Variants in SGCZ observed in about 807,000 individuals in gnomAD.
The protein encoded by SGCZ is sarcoglycan zeta.
SGCZ carries 40 observed loss-of-function variants against 41.3 expected under a neutral mutation model. That is an observed-to-expected ratio of 0.97 (90% CI 0.75 to 1.26). The LOEUF (loss-of-function observed/expected upper bound fraction) is 1.26, where lower values mean the gene tolerates loss of function less well. SGCZ is among the 50% of genes most tolerant of loss of function. SGCZ has a pLI of 0.00. For synonymous variants in SGCZ, 206 were observed against 137.5 expected, an observed-to-expected ratio of 1.50 and a Z score of -3.49; for missense variants, 552 against 369.8, an observed-to-expected ratio of 1.49 and a Z score of -4.04.
At chr8:14,824,587 T>C (rs1802228209) in intron 1 of SGCZ, among the ~76,000 whole-genome samples, 1 of 152,006 alleles carries the variant, frequency 6.6e-6, no homozygotes. Flanking sequence ...TTTAAAGCCT[T>C]CATTATTTAT....
At chr8:14,645,711 CAT>C (rs1411660090) in intron 1 of SGCZ, among the ~76,000 whole-genome samples, 1 of 143,016 alleles carries the variant, frequency 7.0e-6, no homozygotes, top group Admixed American at 7.2e-5. Context: ...TTTACACATA[CAT>C]ACACACACAC....
At chr8:14,664,796 G>A (rs1353027801) in intron 1 of SGCZ, among the ~76,000 whole-genome samples, 2 of 152,044 alleles carry the variant, frequency 1.3e-5, no homozygotes, top group Non-Finnish European at 2.9e-5. Flanking sequence ...TACAGTGAAT[G>A]GTTTTTCTCT....
intron 2 of SGCZ, among the ~76,000 whole-genome samples, chr8:14,393,433 C>G (rs1005740290): frequency 1.3e-5 from 2 of 152,110 alleles, no homozygotes; most frequent in Non-Finnish European, 2.9e-5. Flanking sequence ...GACAAAATGG[C>G]GCTGATCAAC....
At chr8:14,493,655 C>T (rs1016169630) in intron 2 of SGCZ, among the ~76,000 whole-genome samples, 1 of 151,468 alleles carries the variant, frequency 6.6e-6, no homozygotes, top group Non-Finnish European at 1.5e-5. Context: ...CATGAGTCAC[C>T]GTTCCTGGCC....
chr8:14,774,442 C>A lies in SGCZ; in HGVS notation c.40-219516G>T, dbSNP rs183331431. On this transcript the variant is annotated intron_variant, in intron 1 of 7. Coordinates refer to ENST00000382080, the MANE Select transcript of SGCZ (RefSeq NM_139167.4). ...GTTAGTTCATGCTTCCTTCAGTTAA[C>A]GTTTAGGATTGTTCACACCTGTGTC... Among the ~76,000 whole-genome samples the A allele has an allele frequency of 4.5e-3, 684 of 152,296 alleles. 1 individual carries two copies. Among genetic ancestry groups the A allele is most frequent in the East Asian group, 0.01 (54 of 5,186 alleles).
intron 2 of SGCZ, among the ~76,000 whole-genome samples, chr8:14,335,409 G>A (rs1802474208): frequency 6.6e-6 from 1 of 152,050 alleles, no homozygotes; most frequent in South Asian, 2.1e-4. Context: ...CCTAAAACAT[G>A]AAGTCTTGCA....
chr8:14,302,184 A>G (rs893800523), intron 3 of SGCZ, among the ~76,000 whole-genome samples: 2 of 152,156 alleles, frequency 1.3e-5, no homozygotes, highest in East Asian at 1.9e-4. Flanking sequence ...CTTAACAATC[A>G]AAAATCATTT....
intron 1 of SGCZ, among the ~76,000 whole-genome samples, chr8:14,987,280 C>T (rs898349598): frequency 6.6e-6 from 1 of 151,806 alleles, no homozygotes; most frequent in Non-Finnish European, 1.5e-5. Flanking sequence ...CATCAAAACA[C>T]TAAAAATTTC....
chr8:14,150,876 C>A (rs768049550), intron 5 of SGCZ, among the ~76,000 whole-genome samples: 4 of 152,090 alleles, frequency 2.6e-5, no homozygotes, highest in African/African-American at 9.7e-5. Context: ...CTTGCATCAA[C>A]GTGGATGGAA....
intron 2 of SGCZ, among the ~76,000 whole-genome samples, chr8:14,336,626 G>C (rs1208086439): frequency 2.6e-5 from 4 of 152,014 alleles, no homozygotes; most frequent in Non-Finnish European, 5.9e-5. Flanking sequence ...TTTAATCATA[G>C]CCATTCTGGC....
intron 2 of SGCZ, among the ~76,000 whole-genome samples, chr8:14,515,803 T>C (rs1372355798): frequency 6.6e-6 from 1 of 152,130 alleles, no homozygotes; most frequent in Non-Finnish European, 1.5e-5. Context: ...TTTGCCTACA[T>C]CATTTATTGC....
intron 2 of SGCZ, among the ~76,000 whole-genome samples, chr8:14,487,240 TG>T (rs771823872): frequency 2.4e-4 from 36 of 152,316 alleles, no homozygotes; most frequent in Admixed American, 3.9e-4. Flanking sequence ...CTAATGTAAT[TG>T]TAAACGCTTT....
intron 1 of SGCZ, among the ~76,000 whole-genome samples, chr8:15,066,098 G>A (rs1430691746): frequency 1.3e-5 from 2 of 151,648 alleles, no homozygotes; most frequent in Non-Finnish European, 2.9e-5. Context: ...CATGAGGTCA[G>A]GAGATCGAGA....
rs193104182 is a variant in SGCZ at position 14,516,540 on chromosome 8, G to A, written c.234+38192C>T. ...ACTGTTTTTTTCTAGGTCTATCTAC[G>A]TTTTCTACATGACCTGTTTCTTTTC... On this transcript the variant is annotated intron_variant, in intron 2 of 7. Transcript: ENST00000382080. Among the ~76,000 whole-genome samples the A allele has an allele frequency of 8.1e-3, 1,234 of 152,074 alleles. 16 individuals carry two copies. The highest frequency in any genetic ancestry group is 0.02 in the Middle Eastern group (6 of 294).
intron 1 of SGCZ, among the ~76,000 whole-genome samples, chr8:14,767,741 C>G (rs1422520659): frequency 6.6e-6 from 1 of 152,170 alleles, no homozygotes; most frequent in South Asian, 2.1e-4. Flanking sequence ...GACTTACTAC[C>G]ATAGGCTATT....
At chr8:14,449,903 G>C (rs1800542976) in intron 2 of SGCZ, among the ~76,000 whole-genome samples, 1 of 152,104 alleles carries the variant, frequency 6.6e-6, no homozygotes. Flanking sequence ...AACAAAGTAA[G>C]AGTGAACAAC....
At chr8:14,102,278 A>G (rs1224723874) in intron 7 of SGCZ, 98 bp downstream of exon 7, 1 of 1,207,630 alleles carries the variant, frequency 8.3e-7, no homozygotes, top group Non-Finnish European at 1.1e-6. Flanking sequence ...TTCTACTGAA[A>G]GATATTCCTT....
intron 2 of SGCZ, among the ~76,000 whole-genome samples, chr8:14,387,900 T>C (rs10888087): frequency 0.07 from 10,657 of 151,978 alleles, 627 homozygotes; most frequent in African/African-American, 0.16. Context: ...AAATGAGAGA[T>C]AATGAGGATA....
intron 1 of SGCZ, among the ~76,000 whole-genome samples, chr8:14,686,522 G>A (rs901125545): frequency 2.0e-5 from 3 of 152,016 alleles, no homozygotes; most frequent in Non-Finnish European, 2.9e-5. Context: ...GGTCACTAAG[G>A]CATATAGATT....
Sources: gnomAD v4.1 joint callset for allele counts (sites outside exome capture counted in the v4.1 genomes callset) on GRCh38, gnomAD v4.1.1 for gene constraint, MANE v1.5 for transcripts, NCBI Gene and HGNC (gene_info 2026-07-23, HGNC 2026-07-21) for gene names.